C6orf118: variants seen among roughly 807,000 people sequenced by gnomAD.
C6orf118 encodes chromosome 6 open reading frame 118, also known as uncharacterized protein C6orf118.
Under a neutral mutation model 50.2 loss-of-function variants are expected in C6orf118, and 50 were observed. The ratio of observed to expected loss-of-function variants is 1.00; its 90% CI spans 0.79 to 1.26. C6orf118 has a LOEUF of 1.26. C6orf118 is among the 50% of genes most tolerant of loss of function. The probability of loss-of-function intolerance (pLI) is 0.00; values close to 1 mark genes in which losing one functional copy is unlikely to be tolerated. For synonymous variants in C6orf118, 239 were observed against 230.9 expected, an observed-to-expected ratio of 1.03 and a Z score of -0.32; for missense variants, 641 against 578.7, an observed-to-expected ratio of 1.11 and a Z score of -1.10.
At position 165,280,090 on chromosome 6, in the gene C6orf118, T is replaced by G; in HGVS notation, c.1377A>C (p.Gln459His). 1 of 1,608,904 alleles carries G rather than the reference T, an allele frequency of 6.2e-7. No individual in the cohort carries two copies. The highest frequency in any genetic ancestry group is 1.3e-5 in the African/African-American group (1 of 74,736). ...KKIKGPLEIY[Q>H]GICKIRGNRR ...TGTTTCCTCTGATTTTACAAATTCC[T>G]TGATAAATTTCCAAAGGCCCCTTAA... Residue 459 changes from glutamine to histidine, a missense_variant, in exon 9 of 9, where the codon CAA (glutamine) becomes CAC (histidine). By Grantham distance (24) the Gln-to-His change is conservative (BLOSUM62 0). Transcript: ENST00000230301.
At chr6:165,302,404 G>C (rs916293131) in intron 1 of C6orf118, 108 bp from the exon 2 acceptor site, 4 of 1,344,888 alleles carry the variant, frequency 3.0e-6, no homozygotes, top group Non-Finnish European at 4.0e-6. Flanking sequence ...AGGGTCTATG[G>C]AGAAACAGAC....
At chr6:165,309,213 C>T (rs1780851731) in intron 1 of C6orf118, among the ~76,000 whole-genome samples, 1 of 152,232 alleles carries the variant, frequency 6.6e-6, no homozygotes, top group Non-Finnish European at 1.5e-5. Context: ...TTTAAAATCA[C>T]CCTCTGAACA....
chr6:165,283,031 G>A (rs188519070), intron 7 of C6orf118, among the ~76,000 whole-genome samples: 24 of 152,226 alleles, frequency 1.6e-4, no homozygotes, highest in South Asian at 6.2e-4. Flanking sequence ...CAAAAACCGC[G>A]AAGAAAATCT....
chr6:165,307,760 A>C (rs1417509579), intron 1 of C6orf118, among the ~76,000 whole-genome samples: 1 of 152,200 alleles, frequency 6.6e-6, no homozygotes, highest in Non-Finnish European at 1.5e-5. Flanking sequence ...AGAACAGAGC[A>C]GCAGGCCCAG....
chr6:165,291,689 G>A (rs1780110834), intron 6 of C6orf118, among the ~76,000 whole-genome samples: 1 of 152,164 alleles, frequency 6.6e-6, no homozygotes, highest in African/African-American at 2.4e-5. Flanking sequence ...TTAAAAAAAT[G>A]TTAACTCTTC....
Position 165,299,467 on chromosome 6 carries a change from C to A in C6orf118, c.912G>T (p.Glu304Asp), listed in dbSNP as rs1389493790. The A allele has an allele frequency of 6.2e-7, 1 of 1,614,114 alleles. No homozygotes were observed. Among genetic ancestry groups the A allele is most frequent in the South Asian group, 1.1e-5 (1 of 91,076 alleles). The change falls in exon 4 of 9, where the codon GAG (glutamate) becomes GAT (aspartate). Residue 304 changes from glutamate to aspartate, a missense_variant. Physicochemically the swap from Glu to Asp is conservative, Grantham distance 45 (BLOSUM62 2). Transcript: ENST00000230301. Reference sequence around the variant, plus strand: ...CCTCGTACTGTGCTGCAGGCTGGGACTCCAGGAGCGTTGCCATGTAGAGTT... The same window carrying A: ...CCTCGTACTGTGCTGCAGGCTGGGAATCCAGGAGCGTTGCCATGTAGAGTT... Reference protein sequence around the residue: ...EYELYMATLLESQPAAQYEAL... With the variant: ...EYELYMATLLDSQPAAQYEAL...
rs548130626 is a variant in C6orf118, at chr6:165,279,859, C to T, written c.*198G>A. Reference sequence around the variant, plus strand: ...ACTAGTATTGTTGTAAATATGTATGCAACAGAAACTAATCATGTGTACGCA... The same window carrying T: ...ACTAGTATTGTTGTAAATATGTATGTAACAGAAACTAATCATGTGTACGCA... On this transcript the variant is annotated 3_prime_UTR_variant, in exon 9 of 9. Transcript: ENST00000230301. The T allele has an allele frequency of 8.9e-5, 41 of 462,454 alleles. No homozygotes were observed. The South Asian group carries it at 2.0e-3, about 23-fold the overall frequency. The allele number at this position is 462,454 out of a possible 1,614,324, so 28.6% of individuals were successfully genotyped here.
At chr6:165,307,364 G>GTCTGGCCA (rs993292603) in intron 1 of C6orf118, among the ~76,000 whole-genome samples, 1 of 151,866 alleles carries the variant, frequency 6.6e-6, no homozygotes, top group Non-Finnish European at 1.5e-5. Flanking sequence ...TTCGAGACCA[G>GTCTGGCCA]TCTGGCCAAC....
intron 2 of C6orf118, among the ~76,000 whole-genome samples, 180 bp downstream of exon 2, chr6:165,301,389 G>A (rs657891): frequency 7.5e-6 from 1 of 133,032 alleles, no homozygotes; most frequent in Admixed American, 7.6e-5. Context: ...ACACTGCACC[G>A]AGAGCACTGC....
chr6:165,300,275 C>G, intron 3 of C6orf118, 89 bp downstream of exon 3: 2 of 1,496,710 alleles, frequency 1.3e-6, no homozygotes, highest in African/African-American at 1.4e-5. Flanking sequence ...TGATACCTAG[C>G]AGAATTTCAG....
Position 165,301,978 on chromosome 6 carries a change from T to C in C6orf118, c.344A>G (p.His115Arg), listed in dbSNP as rs138289053. 6.2e-7 allele frequency: 1 copy of C among 1,613,820 alleles called. No individual in the cohort carries two copies. Residue 115 changes from histidine to arginine, a missense_variant, in exon 2 of 9, where the codon CAC becomes CGC. Coordinates refer to ENST00000230301, the MANE Select transcript of C6orf118 (RefSeq NM_144980.4). ...MKEALAHFTI[H>R]TALVPSEAQD... ...GGCCTCACTGGGGACCAGGGCCGTGTGGATGGTGAAGTGGGCCAGGGCCTC... is the reference window on the plus strand; with the variant it reads ...GGCCTCACTGGGGACCAGGGCCGTGCGGATGGTGAAGTGGGCCAGGGCCTC...
chr6:165,302,013 C>T lies in C6orf118; in HGVS notation c.309G>A (p.Ala103=), dbSNP rs1311476635. 1.2e-5 allele frequency: 20 copies of T among 1,613,400 alleles called. No homozygotes were observed. The highest frequency in any genetic ancestry group is 2.2e-5 in the East Asian group (1 of 44,854). ...AGTGGGCCAGGGCCTCCTTCATCCT[C>T]GCCACCTTCCCTGCGGGCGGCTCTC... ...EVGEPPAGKV[A]RMKEALAHFT... Residue 103 remains alanine (A), a synonymous_variant, in exon 2 of 9, where the codon GCG becomes GCA. Coordinates refer to ENST00000230301, the MANE Select transcript of C6orf118 (RefSeq NM_144980.4).
intron 2 of C6orf118, among the ~76,000 whole-genome samples, chr6:165,300,859 G>A (rs1045832459): frequency 1.3e-5 from 2 of 151,920 alleles, no homozygotes; most frequent in African/African-American, 2.4e-5. Context: ...CCCATTTGGA[G>A]GTGATGCCTC....
Position 165,309,547 on chromosome 6 carries a change from C to T in C6orf118, c.25+15G>A, listed in dbSNP as rs371642796. On this transcript the variant is annotated intron_variant, in intron 1 of 8. Transcript: ENST00000230301. ...AAATCTCACAAGCCAGCAAGAGCCG[C>T]TCCAGGCCACTTACATTCAGGCTCC... The T allele has an allele frequency of 1.9e-6, 3 of 1,614,088 alleles. No homozygotes were observed. The African/African-American group carries it at 4.0e-5, about 22-fold the overall frequency.
rs1176676479 is a variant in C6orf118, at chr6:165,298,104, A to G, written c.937-3T>C. On this transcript the variant is annotated splice_polypyrimidine_tract_variant and splice_region_variant and intron_variant, in intron 4 of 8. Coordinates refer to ENST00000230301, the MANE Select transcript of C6orf118 (RefSeq NM_144980.4). ...GCCTTGAGTTGAGCCAGAAGAGCCTAGGCAGGACCAGGTACATGAGGTGAG... is the reference window on the plus strand; with the variant it reads ...GCCTTGAGTTGAGCCAGAAGAGCCTGGGCAGGACCAGGTACATGAGGTGAG... 6.3e-7 allele frequency: 1 copy of G among 1,585,884 alleles called. No homozygotes were observed. Among genetic ancestry groups the G allele is most frequent in the South Asian group, 1.2e-5 (1 of 85,632 alleles).
chr6:165,302,605 G>T (rs1205062906), intron 1 of C6orf118, among the ~76,000 whole-genome samples: 1 of 152,180 alleles, frequency 6.6e-6, no homozygotes, highest in Admixed American at 6.5e-5. Flanking sequence ...ACTAGCAAAG[G>T]CTCTGAAAGA....
chr6:165,292,052 T>C (rs1453325001), intron 6 of C6orf118, among the ~76,000 whole-genome samples: 1 of 152,152 alleles, frequency 6.6e-6, no homozygotes, highest in Non-Finnish European at 1.5e-5. Context: ...GAAATGGTCA[T>C]AGTTAAGCTT....
At chr6:165,298,286 A>C (rs956549891) in intron 4 of C6orf118, among the ~76,000 whole-genome samples, 185 bp from the exon 5 acceptor site, 1 of 152,214 alleles carries the variant, frequency 6.6e-6, no homozygotes. Flanking sequence ...CCCATCAGTG[A>C]AGTTCCCGGT....
Position 165,302,404 on chromosome 6 carries a change from G to A in C6orf118, c.26-108C>T, listed in dbSNP as rs916293131. 45 of 1,344,890 alleles carry A rather than the reference G, an allele frequency of 3.3e-5. No homozygotes were observed. In the Middle Eastern group the frequency reaches 8.1e-4, roughly 24 times the overall value. 83.3% of individuals were successfully genotyped at this position (1,344,890 alleles called of 1,614,324 possible). On this transcript the variant is annotated intron_variant, in intron 1 of 8. Transcript: ENST00000230301. ...GCCCCTGACCAAAAGAGGGTCTATG[G>A]AGAAACAGACGAACAGAGTACATGG...
Sources: gnomAD v4.1 joint callset for allele counts (sites outside exome capture counted in the v4.1 genomes callset) on GRCh38, gnomAD v4.1.1 for gene constraint, MANE v1.5 for transcripts, NCBI Gene and HGNC (gene_info 2026-07-23, HGNC 2026-07-21) for gene names.